Variants in KCNB2 observed in about 807,000 individuals in gnomAD.
KCNB2 encodes the protein potassium voltage-gated channel subfamily B member 2.
KCNB2 carries 15 observed loss-of-function variants against 61.5 expected under a neutral mutation model. The ratio of observed to expected loss-of-function variants is 0.24; its 90% CI spans 0.16 to 0.38. The LOEUF (loss-of-function observed/expected upper bound fraction) is 0.38. KCNB2 is among the 10% of genes least tolerant of loss of function. The pLI is 1.00. For missense variants in KCNB2, 828 were observed against 1,125.2 expected (o/e 0.74, Z 3.78); for synonymous variants, 457 against 446.0 (o/e 1.02, Z -0.31).
intron 2 of KCNB2, among the ~76,000 whole-genome samples, chr8:72,758,609 G>A (rs975119519): frequency 6.6e-6 from 1 of 152,166 alleles, no homozygotes; most frequent in Admixed American, 6.5e-5. Context: ...TCTGCTCCAT[G>A]TTTATTACAC....
At chr8:72,874,848 A>G (rs1307658048) in intron 2 of KCNB2, 2 of 152,238 alleles carry the variant, frequency 1.3e-5, no homozygotes, top group Non-Finnish European at 2.9e-5. Flanking sequence ...TGCGACAAGG[A>G]AAAATCTTGG....
At chr8:72,769,690 A>G (rs1239986283) in intron 2 of KCNB2, among the ~76,000 whole-genome samples, 1 of 152,164 alleles carries the variant, frequency 6.6e-6, no homozygotes. Flanking sequence ...AGAGCTCTGC[A>G]TGCCTCCTGT....
chr8:72,679,066 C>G (rs749480862), intron 2 of KCNB2, among the ~76,000 whole-genome samples: 1 of 151,848 alleles, frequency 6.6e-6, no homozygotes, highest in Non-Finnish European at 1.5e-5. Context: ...GGTTTTTAGG[C>G]CTTTGATTTT....
chr8:72,672,659 T>A (rs945231095), intron 2 of KCNB2, among the ~76,000 whole-genome samples: 4 of 152,072 alleles, frequency 2.6e-5, no homozygotes, highest in African/African-American at 9.7e-5. Flanking sequence ...TAACAGCAAC[T>A]GCTTCTAAGG....
At chr8:72,660,730 A>C (rs983330907) in intron 2 of KCNB2, 1 of 152,172 alleles carries the variant, frequency 6.6e-6, no homozygotes, top group African/African-American at 2.4e-5. Context: ...TATTTTATAC[A>C]TGTCCAGTCT....
At chr8:72,589,721 A>G (rs1176588010) in intron 2 of KCNB2, among the ~76,000 whole-genome samples, 1 of 151,930 alleles carries the variant, frequency 6.6e-6, no homozygotes, top group Non-Finnish European at 1.5e-5. Context: ...GACTGATTGT[A>G]CTTTCTTTTG....
chr8:72,671,008 G>A (rs1271570389), intron 2 of KCNB2, among the ~76,000 whole-genome samples: 1 of 152,064 alleles, frequency 6.6e-6, no homozygotes, highest in Non-Finnish European at 1.5e-5. Flanking sequence ...CTCATATTCT[G>A]CCTTCTATTA....
chr8:72,601,081 TA>T (rs1165668433), intron 2 of KCNB2, among the ~76,000 whole-genome samples: 5 of 151,774 alleles, frequency 3.3e-5, no homozygotes, highest in South Asian at 2.1e-4. Flanking sequence ...TTGCTACCTG[TA>T]AAAAAAAGGG....
At position 72,936,463 on chromosome 8, in the gene KCNB2, G is replaced by A. The variant is rs1459304544; in HGVS notation, c.1108G>A (p.Ala370Thr). ...TGCTACCAAGTTCACCAGTATCCCT[G>A]CATCATTTTGGTGGGCCACCATCAC... Reference protein sequence around the residue: ...EDATKFTSIPASFWWATITMT... With the variant: ...EDATKFTSIPTSFWWATITMT... Residue 370 changes from alanine to threonine, a missense_variant, in exon 3 of 3, where the codon GCA becomes ACA. Ala to Thr is a moderately conservative substitution (Grantham distance 58). This residue lies in a region of KCNB2 where 44 missense variants were observed against 167.6 expected (regional missense o/e 0.26). Transcript: ENST00000523207. This position sits in a 1 kb window ranked among gnomAD's most constrained non-coding sequence, Gnocchi z 5.6. 6.2e-7 allele frequency: 1 copy of A among 1,614,180 alleles called. No individual in the cohort carries two copies. The highest frequency in any genetic ancestry group is 8.5e-7 in the Non-Finnish European group (1 of 1,179,992).
At position 72,936,694 on chromosome 8, in the gene KCNB2, G is replaced by A; in HGVS notation, c.1339G>A (p.Gly447Arg). The change falls in exon 3 of 3, where the codon GGA (glycine) becomes AGA (arginine). Residue 447 changes from glycine to arginine, a missense_variant. This residue lies in a region of KCNB2 where 559 missense variants were observed against 588.4 expected (regional missense o/e 0.95). Coordinates refer to ENST00000523207, the MANE Select transcript of KCNB2 (RefSeq NM_004770.3). The surrounding 1 kb of genome is among the most constrained non-coding windows in gnomAD (Gnocchi z 5.6). ...REALERAKRN[G>R]SIVSMNLKDA... is the part of the protein sequence containing the mutation. The stretch of plus-strand genomic sequence containing the variant: ...GGCTCTTGAGCGGGCCAAAAGGAAC[G>A]GAAGCATCGTTTCTATGAACTTAAA... The A allele has an allele frequency of 6.2e-7, 1 of 1,614,134 alleles. No homozygotes were observed. The highest frequency in any genetic ancestry group is 8.5e-7 in the Non-Finnish European group (1 of 1,180,024).
At chr8:72,549,960 G>C (rs1193639327) in intron 1 of KCNB2, among the ~76,000 whole-genome samples, 1 of 152,164 alleles carries the variant, frequency 6.6e-6, no homozygotes, top group African/African-American at 2.4e-5. Flanking sequence ...CTCATCACAG[G>C]AGTTTTCTCA....
At chr8:72,684,779 G>A (rs191806234) in intron 2 of KCNB2, among the ~76,000 whole-genome samples, 1 of 152,294 alleles carries the variant, frequency 6.6e-6, no homozygotes, top group East Asian at 1.9e-4. Context: ...TGGCAGACCT[G>A]TATTGAGAGT....
At chr8:72,748,838 A>G (rs955422310) in intron 2 of KCNB2, among the ~76,000 whole-genome samples, 15 of 152,172 alleles carry the variant, frequency 9.9e-5, no homozygotes, top group African/African-American at 3.6e-4. Context: ...ATTACCTCAC[A>G]TACCATTTTT....
chr8:72,932,063 G>A lies in KCNB2; in HGVS notation c.580-3872G>A, dbSNP rs146323885. ...CTGAGACAGTGAGATTCTAACCTGT[G>A]AATGGTTGTGGTAAGTAAAGCAATA... is the stretch of plus-strand genomic sequence containing the variant. On this transcript the variant is annotated intron_variant, in intron 2 of 2. Coordinates refer to ENST00000523207, the MANE Select transcript of KCNB2 (RefSeq NM_004770.3). 3.3e-3 allele frequency among the ~76,000 whole-genome samples: 498 copies of A among 152,140 alleles called. 3 individuals are homozygous for A. Among genetic ancestry groups the A allele is most frequent in the African/African-American group, 0.011 (477 of 41,508 alleles).
At chr8:72,783,249 A>T (rs901549866) in intron 2 of KCNB2, among the ~76,000 whole-genome samples, 3 of 152,096 alleles carry the variant, frequency 2.0e-5, no homozygotes, top group African/African-American at 7.2e-5. Context: ...CTTACATAAT[A>T]GCCATGGTGA....
intron 2 of KCNB2, among the ~76,000 whole-genome samples, chr8:72,576,035 G>A (rs946828115): frequency 2.0e-5 from 3 of 152,086 alleles, no homozygotes; most frequent in African/African-American, 7.2e-5. Flanking sequence ...GATAAAGGAA[G>A]GTGTTTTCCT....
chr8:72,644,238 A>G (rs1207315313), intron 2 of KCNB2, among the ~76,000 whole-genome samples: 1 of 151,900 alleles, frequency 6.6e-6, no homozygotes, highest in African/African-American at 2.4e-5. Context: ...CCCTGATTTT[A>G]AAAAGTTCAC....
At chr8:72,579,993 A>G (rs1028625715) in intron 2 of KCNB2, among the ~76,000 whole-genome samples, 3 of 152,184 alleles carry the variant, frequency 2.0e-5, no homozygotes, top group Admixed American at 6.5e-5. Context: ...GGAGAGATTT[A>G]TATTTATATT....
chr8:72,652,257 A>G (rs1806223514), intron 2 of KCNB2, among the ~76,000 whole-genome samples: 1 of 152,158 alleles, frequency 6.6e-6, no homozygotes, highest in African/African-American at 2.4e-5. Flanking sequence ...TGTAATAAAT[A>G]TACAAGTCCA....
Sources: allele counts gnomAD v4.1 joint callset (sites outside exome capture counted in the v4.1 genomes callset), GRCh38; gene constraint gnomAD v4.1.1; regional missense constraint gnomAD v4.1.1; non-coding constraint Gnocchi (gnomAD v3.1); transcripts MANE v1.5; gene names NCBI Gene and HGNC (gene_info 2026-07-23, HGNC 2026-07-21).